Variants in LRP1 observed in about 807,000 individuals in gnomAD.
LRP1 encodes LDL receptor related protein 1.
LRP1 carries 51 observed loss-of-function variants against 541.5 expected under a neutral mutation model. The ratio of observed to expected loss-of-function variants is 0.09; its 90% CI spans 0.08 to 0.12. The LOEUF (loss-of-function observed/expected upper bound fraction) is 0.12, where lower values mean the gene tolerates loss of function less well. LRP1 is among the 10% of genes least tolerant of loss of function. LRP1 has a pLI of 1.00. For synonymous variants in LRP1, 2,219 were observed against 2,470.8 expected, an observed-to-expected ratio of 0.90 and a Z score of 3.02; for missense variants, 3,878 against 6,376.2, an observed-to-expected ratio of 0.61 and a Z score of 13.34.
At position 57,212,501 on chromosome 12, in the gene LRP1, G is replaced by T; in HGVS notation, c.13581G>T (p.Lys4527Asn). Residue 4527 changes from lysine (K) to asparagine (N), a missense_variant, in exon 89 of 89, where the codon AAG (lysine) becomes AAT (asparagine). Physicochemically the swap from Lys to Asn is moderately conservative, Grantham distance 94 (BLOSUM62 0). Transcript: ENST00000243077. The surrounding 1 kb of genome is among the most constrained non-coding windows in gnomAD (Gnocchi z 5.0). Reference protein sequence around the residue: ...SRHSLASTDEKRELLGRGPED... With the variant: ...SRHSLASTDENRELLGRGPED... ...ACTCCCTGGCCAGCACGGACGAGAA[G>T]CGAGAACTCCTGGGCCGGGGCCCTG... The T allele has an allele frequency of 3.5e-5, 57 of 1,613,984 alleles. No individual in the cohort carries two copies. Among genetic ancestry groups the T allele is most frequent in the Non-Finnish European group, 4.6e-5 (54 of 1,179,944 alleles).
chr12:57,195,424 G>T (rs369087498), intron 52 of LRP1, 25 bp downstream of exon 52: 1 of 1,599,114 alleles, frequency 6.3e-7, no homozygotes, highest in Admixed American at 1.7e-5. Context: ...CACGTGGAGC[G>T]GGTGGACAGC....
chr12:57,205,420 A>C lies in LRP1; in HGVS notation c.11405A>C (p.Glu3802Ala). Reference sequence around the variant, plus strand: ...GACGAGGCACGCTGCGTGCGCACCGAGAAAGCGGCCTACTGTGCCTGCCGC... The same window carrying C: ...GACGAGGCACGCTGCGTGCGCACCGCGAAAGCGGCCTACTGTGCCTGCCGC... Reference protein sequence around the residue: ...CGDEARCVRTEKAAYCACRSG... With the variant: ...CGDEARCVRTAKAAYCACRSG... The change falls in exon 74 of 89, where the codon GAG (glutamate) becomes GCG (alanine). Residue 3802 changes from glutamate (E) to alanine (A), a missense_variant. Physicochemically the swap from Glu to Ala is moderately radical, Grantham distance 107. This residue lies in a region of LRP1 where 871 missense variants were observed against 1,212.4 expected (regional missense o/e 0.72). Coordinates refer to ENST00000243077, the MANE Select transcript of LRP1 (RefSeq NM_002332.3). The surrounding 1 kb of genome is among the most constrained non-coding windows in gnomAD (Gnocchi z 4.6). The C allele has an allele frequency of 6.2e-7, 1 of 1,609,586 alleles. No individual in the cohort carries two copies. The highest frequency in any genetic ancestry group is 8.5e-7 in the Non-Finnish European group (1 of 1,179,692).
intron 1 of LRP1, among the ~76,000 whole-genome samples, chr12:57,129,665 G>C (rs1474864317): frequency 4.6e-5 from 7 of 152,222 alleles, no homozygotes; most frequent in Admixed American, 2.0e-4. Context: ...GGGTAGGGCT[G>C]TGTTGGGGGG....
Position 57,211,653 on chromosome 12 carries a change from G to GGACC in LRP1, c.13193+67_13193+70dup. On this transcript the variant is annotated intron_variant, in intron 85 of 88. Coordinates refer to ENST00000243077, the MANE Select transcript of LRP1 (RefSeq NM_002332.3). The surrounding 1 kb of genome is among the most constrained non-coding windows in gnomAD (Gnocchi z 4.3). ...CTCCCTTCCCCAGATTTGAGCAGGA[G>GGACC]GACCGTCAGGCCTCAGTGCCCACCC... is the stretch of plus-strand genomic sequence containing the variant. The GGACC allele has an allele frequency of 6.3e-7, 1 of 1,599,430 alleles. No individual in the cohort carries two copies. Among genetic ancestry groups the GGACC allele is most frequent in the South Asian group, 1.1e-5 (1 of 90,688 alleles).
chr12:57,212,026 C>T lies in LRP1; in HGVS notation c.13349+9C>T. On this transcript the variant is annotated intron_variant, in intron 87 of 88. Coordinates refer to ENST00000243077, the MANE Select transcript of LRP1 (RefSeq NM_002332.3). This position sits in a 1 kb window ranked among gnomAD's most constrained non-coding sequence, Gnocchi z 5.0. ...AAGCGGCGAGTCCAAGGGTGAGTCACAGGGATTCTGGAACATTCTGGTCAT... is the reference window on the plus strand; with the variant it reads ...AAGCGGCGAGTCCAAGGGTGAGTCATAGGGATTCTGGAACATTCTGGTCAT... 1.9e-6 allele frequency: 3 copies of T among 1,614,072 alleles called. No homozygotes were observed. The highest frequency in any genetic ancestry group is 2.5e-6 in the Non-Finnish European group (3 of 1,179,976).
chr12:57,161,786 G>A (rs1386448695), intron 13 of LRP1, among the ~76,000 whole-genome samples: 1 of 152,076 alleles, frequency 6.6e-6, no homozygotes, highest in East Asian at 1.9e-4. Flanking sequence ...ACCTCCCCTA[G>A]GATGTCATCT....
chr12:57,208,629 A>G, intron 77 of LRP1, 82 bp from the exon 78 acceptor site: 1 of 822,292 alleles, frequency 1.2e-6, no homozygotes, highest in Non-Finnish European at 2.0e-6. Context: ...CCCTGTCCCC[A>G]GACCAAGAAG....
rs2136703808 is a variant in LRP1 at position 57,179,664 on chromosome 12, C to T, written c.4966+108C>T. 3 of 1,391,954 alleles carry T rather than the reference C, an allele frequency of 2.2e-6. No homozygotes were observed. Among genetic ancestry groups the T allele is most frequent in the Non-Finnish European group, 3.0e-6 (3 of 994,178 alleles). 86.2% of individuals were successfully genotyped at this position (1,391,954 alleles called of 1,614,324 possible). ...GAGTGGTCCTTCTCCCAGTCCTGTT[C>T]CCCCTCAGTGCTCCAGCCTGGTTTC... On this transcript the variant is annotated intron_variant, in intron 29 of 88. Transcript: ENST00000243077. The surrounding 1 kb of genome is among the most constrained non-coding windows in gnomAD (Gnocchi z 6.8).
chr12:57,177,311 G>A lies in LRP1; in HGVS notation c.4196+66G>A. ...CCTGAAGTCCCATTCAGCCTGGCCA[G>A]GGACACCTTACTCCTCAGTGCCATC... On this transcript the variant is annotated intron_variant, in intron 25 of 88. Coordinates refer to ENST00000243077, the MANE Select transcript of LRP1 (RefSeq NM_002332.3). The surrounding 1 kb of genome is among the most constrained non-coding windows in gnomAD (Gnocchi z 6.8). 1 of 1,588,940 alleles carries A rather than the reference G, an allele frequency of 6.3e-7. No individual in the cohort carries two copies.
chr12:57,149,219 C>A, intron 6 of LRP1: 1 of 440,588 alleles, frequency 2.3e-6, no homozygotes, highest in Non-Finnish European at 4.0e-6. Context: ...GCCTTTCTGA[C>A]CCATGGGATG....
chr12:57,208,021 C>T lies in LRP1; in HGVS notation c.11860-17C>T. The T allele has an allele frequency of 6.2e-7, 1 of 1,612,462 alleles. No individual in the cohort carries two copies. The highest frequency in any genetic ancestry group is 8.5e-7 in the Non-Finnish European group (1 of 1,178,938). ...GAAGACAAAGCAGTGGCCCCTGAACCTGTGGCTTCCATTCAGATTTCAGGG... is the reference window on the plus strand; with the variant it reads ...GAAGACAAAGCAGTGGCCCCTGAACTTGTGGCTTCCATTCAGATTTCAGGG... On this transcript the variant is annotated splice_polypyrimidine_tract_variant and intron_variant, in intron 76 of 88. Transcript: ENST00000243077.
chr12:57,205,525 G>C lies in LRP1; in HGVS notation c.11471-33G>C. The C allele has an allele frequency of 1.2e-6, 2 of 1,613,548 alleles. No homozygotes were observed. Among genetic ancestry groups the C allele is most frequent in the Non-Finnish European group, 1.7e-6 (2 of 1,179,696 alleles). On this transcript the variant is annotated intron_variant, in intron 74 of 88. Transcript: ENST00000243077. This position sits in a 1 kb window ranked among gnomAD's most constrained non-coding sequence, Gnocchi z 4.6. ...CAGAGCAGGGGTGGACACCCCAACTGTGGACTCTCATGACCCTCCCTGTAA... is the reference window on the plus strand; with the variant it reads ...CAGAGCAGGGGTGGACACCCCAACTCTGGACTCTCATGACCCTCCCTGTAA...
chr12:57,179,064 G>A lies in LRP1; in HGVS notation c.4738+43G>A. The stretch of plus-strand genomic sequence containing the variant: ...CAGAGCCAGTGAGCAACTGAGGCTG[G>A]AGGGAAGGCCGCAGGCCCCAGGATC... On this transcript the variant is annotated intron_variant, in intron 28 of 88. Coordinates refer to ENST00000243077, the MANE Select transcript of LRP1 (RefSeq NM_002332.3). This position sits in a 1 kb window ranked among gnomAD's most constrained non-coding sequence, Gnocchi z 6.8. 2 of 1,599,260 alleles carry A rather than the reference G, an allele frequency of 1.3e-6. No homozygotes were observed. Among genetic ancestry groups the A allele is most frequent in the Non-Finnish European group, 1.7e-6 (2 of 1,173,558 alleles).
Position 57,162,358 on chromosome 12 carries a change from G to A in LRP1, c.2244G>A (p.Leu748=), listed in dbSNP as rs919664332. The A allele has an allele frequency of 1.5e-5, 24 of 1,614,044 alleles. No individual in the cohort carries two copies. In the East Asian group the frequency reaches 5.1e-4, roughly 34 times the overall value. The change falls in exon 14 of 89, where the codon CTG becomes CTA. Residue 748 remains leucine, a synonymous_variant. Transcript: ENST00000243077. The surrounding 1 kb of genome is among the most constrained non-coding windows in gnomAD (Gnocchi z 5.2). ...CTGAGCTGAACCACGCCTTTGGCCTGTGTCACCATGGCAACTACCTCTTCT... is the reference window on the plus strand; with the variant it reads ...CTGAGCTGAACCACGCCTTTGGCCTATGTCACCATGGCAACTACCTCTTCT... ...EGPELNHAFG[L]CHHGNYLFWT... is the part of the protein sequence containing the mutation.
rs753051105 is a variant in LRP1, at chr12:57,202,463, A to T, written c.10637A>T (p.Asn3546Ile). ...CEPYQFRCKN[N>I]RCVPGRWQCD... Reference sequence around the variant, plus strand: ...CCATACCAGTTCCGCTGCAAGAACAACCGCTGCGTGCCCGGCCGCTGGCAG... The same window carrying T: ...CCATACCAGTTCCGCTGCAAGAACATCCGCTGCGTGCCCGGCCGCTGGCAG... Residue 3546 changes from asparagine to isoleucine, a missense_variant, in exon 68 of 89, where the codon AAC (asparagine) becomes ATC (isoleucine). By Grantham distance (149) the Asn-to-Ile change is moderately radical (BLOSUM62 -3). Around this residue, in one of 13 missense-constraint regions of LRP1, gnomAD observed 278 missense variants for 536.3 expected, o/e 0.52. Coordinates refer to ENST00000243077, the MANE Select transcript of LRP1 (RefSeq NM_002332.3). 3.7e-6 allele frequency: 6 copies of T among 1,613,638 alleles called. No homozygotes were observed. Among genetic ancestry groups the T allele is most frequent in the Non-Finnish European group, 5.1e-6 (6 of 1,180,002 alleles).
In LRP1 at chr12:57,211,869, C is replaced by T. The variant is rs1256872470; in HGVS notation, c.13258+55C>T. The T allele has an allele frequency of 8.7e-6, 14 of 1,613,156 alleles. No individual in the cohort carries two copies. The highest frequency in any genetic ancestry group is 1.6e-4 in the Middle Eastern group (1 of 6,084). On this transcript the variant is annotated intron_variant, in intron 86 of 88. Transcript: ENST00000243077. The surrounding 1 kb of genome is among the most constrained non-coding windows in gnomAD (Gnocchi z 4.3). ...CCACCGGGACCTAGAGCAGGGGGACCGTGTGCCTCCTGCTTCCCTGAGCCT... is the reference window on the plus strand; with the variant it reads ...CCACCGGGACCTAGAGCAGGGGGACTGTGTGCCTCCTGCTTCCCTGAGCCT...
At position 57,205,728 on chromosome 12, in the gene LRP1, G is replaced by T. The variant is rs747625927; in HGVS notation, c.11590+51G>T. On this transcript the variant is annotated intron_variant, in intron 75 of 88. Coordinates refer to ENST00000243077, the MANE Select transcript of LRP1 (RefSeq NM_002332.3). The surrounding 1 kb of genome is among the most constrained non-coding windows in gnomAD (Gnocchi z 4.6). ...AGGCTGGGTGGGGCAGGGCGACCAG[G>T]ATATCAAACGGGGCCGACTTGGAAT... 7.5e-6 allele frequency: 12 copies of T among 1,595,398 alleles called. No homozygotes were observed. In the Admixed American group the frequency reaches 1.2e-4, roughly 16 times the overall value.
Position 57,197,502 on chromosome 12 carries a change from T to A in LRP1, c.9163-43T>A. 1 of 1,613,772 alleles carries A rather than the reference T, an allele frequency of 6.2e-7. No homozygotes were observed. Among genetic ancestry groups the A allele is most frequent in the Non-Finnish European group, 8.5e-7 (1 of 1,179,832 alleles). ...CCCCCAGATGCAAATGTGGCCCCTG[T>A]TGCCACAACCGACTTCTGCTGTCCT... On this transcript the variant is annotated intron_variant, in intron 57 of 88. Coordinates refer to ENST00000243077, the MANE Select transcript of LRP1 (RefSeq NM_002332.3). This position sits in a 1 kb window ranked among gnomAD's most constrained non-coding sequence, Gnocchi z 4.5.
At chr12:57,143,465 G>C (rs1377035607) in intron 3 of LRP1, among the ~76,000 whole-genome samples, 1 of 152,226 alleles carries the variant, frequency 6.6e-6, no homozygotes, top group Non-Finnish European at 1.5e-5. Flanking sequence ...GCCATCACTG[G>C]CTGTGTGACC....
Sources: allele counts gnomAD v4.1 joint callset (sites outside exome capture counted in the v4.1 genomes callset), GRCh38; gene constraint gnomAD v4.1.1; regional missense constraint gnomAD v4.1.1; non-coding constraint Gnocchi (gnomAD v3.1); transcripts MANE v1.5; gene names NCBI Gene and HGNC (gene_info 2026-07-23, HGNC 2026-07-21).